The following GPHN variants were observed in gnomAD, a reference collection of about 807,000 sequenced individuals.
GPHN encodes gephyrin.
In GPHN, 17 loss-of-function variants were observed where a neutral mutation model predicts 95.5. The ratio of observed to expected loss-of-function variants is 0.18; its 90% confidence interval spans 0.12 to 0.27. The LOEUF is 0.27. GPHN is among the 10% of genes least tolerant of loss of function. The pLI, the probability that GPHN is intolerant of heterozygous loss-of-function variation, is 1.00. For synonymous variants in GPHN, 320 were observed against 322.5 expected (o/e 0.99, Z 0.08); for missense variants, 660 against 978.1 (o/e 0.67, Z 4.34).
At chr14:67,675,030 T>C in the GPHN span, among the ~76,000 whole-genome samples, 3 of 152,128 alleles carry the variant, frequency 2.0e-5, no homozygotes, top group Non-Finnish European at 4.4e-5. Flanking sequence ...ATTTGATGTA[T>C]GTTTGCGTCT....
chr14:67,508,753 CAAAAAAA>C, the GPHN span, among the ~76,000 whole-genome samples: 282 of 46,734 alleles, frequency 6.0e-3, 13 homozygotes, highest in Non-Finnish European at 9.8e-3. Context: ...AACCTTGTCT[CAAAAAAA>C]AAAAAAAAAA....
chr14:67,289,768 C>CTTTTTTTTTT, the GPHN span, among the ~76,000 whole-genome samples: 1 of 95,508 alleles, frequency 1.0e-5, no homozygotes, highest in Non-Finnish European at 2.1e-5. Context: ...TTTTCCATGT[C>CTTTTTTTTTT]CTTTTTTTTT....
At chr14:66,981,250 C>A (rs1056169063) in intron 9 of GPHN, among the ~76,000 whole-genome samples, 3 of 152,028 alleles carry the variant, frequency 2.0e-5, no homozygotes, top group Non-Finnish European at 4.4e-5. Flanking sequence ...TTTTCCTTGA[C>A]ACATTTGTAT....
At chr14:66,859,650 T>C (rs1365251532) in intron 4 of GPHN, among the ~76,000 whole-genome samples, 2 of 152,148 alleles carry the variant, frequency 1.3e-5, no homozygotes, top group Admixed American at 1.3e-4. Flanking sequence ...GGAATAAGCT[T>C]GAAGAAACAG....
At chr14:67,642,108 T>C in the GPHN span, 3,024 of 1,374,670 alleles carry the variant, frequency 2.2e-3, 8 homozygotes, top group Non-Finnish European at 2.8e-3. Context: ...TTGTCACGTA[T>C]TATCATTGTG....
At chr14:66,731,176 G>A (rs980641150) in intron 2 of GPHN, among the ~76,000 whole-genome samples, 1 of 152,116 alleles carries the variant, frequency 6.6e-6, no homozygotes, top group African/African-American at 2.4e-5. Flanking sequence ...ACCCAGTCTT[G>A]GGTAGTTCTT....
At chr14:66,589,826 C>T (rs559614938) in intron 1 of GPHN, among the ~76,000 whole-genome samples, 9 of 152,168 alleles carry the variant, frequency 5.9e-5, no homozygotes, top group East Asian at 1.9e-4. Context: ...CTGGACCAAG[C>T]GGACCTAATA....
chr14:66,516,189 T>G (rs1594786289), intron 1 of GPHN, among the ~76,000 whole-genome samples: 1 of 150,120 alleles, frequency 6.7e-6, no homozygotes, highest in Non-Finnish European at 1.5e-5. Flanking sequence ...TTTTTTTTTT[T>G]GTATTTTTAG....
the GPHN span, among the ~76,000 whole-genome samples, chr14:67,705,312 T>A: frequency 5.2e-3 from 798 of 152,346 alleles, 6 homozygotes; most frequent in African/African-American, 0.013. Context: ...AGACAATCAG[T>A]AACACTTCAT....
chr14:67,364,549 G>T, the GPHN span: 1 of 457,818 alleles, frequency 2.2e-6, no homozygotes, highest in Non-Finnish European at 3.9e-6. Flanking sequence ...AATCACCCAA[G>T]CATTACAAAA....
intron 2 of GPHN, among the ~76,000 whole-genome samples, chr14:66,758,202 G>A (rs1291470970): frequency 6.6e-6 from 1 of 152,226 alleles, no homozygotes; most frequent in Non-Finnish European, 1.5e-5. Context: ...AGGAAGACAA[G>A]TTATCGATCC....
chr14:67,316,380 A>G, the GPHN span, among the ~76,000 whole-genome samples: 1 of 152,186 alleles, frequency 6.6e-6, no homozygotes, highest in Non-Finnish European at 1.5e-5. Context: ...CATGCAAGGG[A>G]ATATACTGAA....
the GPHN span, among the ~76,000 whole-genome samples, chr14:67,288,063 A>C: frequency 6.6e-6 from 1 of 152,074 alleles, no homozygotes; most frequent in African/African-American, 2.4e-5. Context: ...CAACACACTA[A>C]CAGCCAGGCT....
At chr14:67,439,020 G>A in the GPHN span, among the ~76,000 whole-genome samples, 2 of 152,150 alleles carry the variant, frequency 1.3e-5, no homozygotes, top group African/African-American at 4.8e-5. Context: ...AAAGCAAGTG[G>A]GAAATGATAG....
chr14:66,918,829 T>C (rs7142580), intron 6 of GPHN, among the ~76,000 whole-genome samples: 1 of 152,132 alleles, frequency 6.6e-6, no homozygotes, highest in African/African-American at 2.4e-5. Flanking sequence ...ACACAATCTT[T>C]AAAGAGTAAA....
At chr14:67,734,006 C>T in the GPHN span, 2 of 608,476 alleles carry the variant, frequency 3.3e-6, no homozygotes, top group African/African-American at 3.7e-5. Context: ...GTTTGCACAC[C>T]TGACACTCTT....
intron 11 of GPHN, among the ~76,000 whole-genome samples, chr14:67,070,118 T>C (rs1343466439): frequency 6.6e-6 from 1 of 152,040 alleles, no homozygotes; most frequent in African/African-American, 2.4e-5. Context: ...CATATCTCTT[T>C]AGACTCATCA....
chr14:67,548,940 C>G, the GPHN span, among the ~76,000 whole-genome samples: 1 of 152,218 alleles, frequency 6.6e-6, no homozygotes, highest in East Asian at 1.9e-4. Flanking sequence ...TGTTTACTCC[C>G]CTTAAGCAAG....
the GPHN span, among the ~76,000 whole-genome samples, chr14:67,478,726 C>A: frequency 4.6e-5 from 7 of 152,128 alleles, no homozygotes; most frequent in African/African-American, 1.4e-4. Flanking sequence ...GGCCGGTGAA[C>A]CCTCCTTTAA....
Sources: gnomAD v4.1 joint callset for allele counts (sites outside exome capture counted in the v4.1 genomes callset) on GRCh38, gnomAD v4.1.1 for gene constraint, MANE v1.5 for transcripts, NCBI Gene and HGNC (gene_info 2026-07-23, HGNC 2026-07-21) for gene names.